The following PTPRD variants were observed in gnomAD, a reference collection of about 807,000 sequenced individuals.
The protein encoded by PTPRD is receptor-type tyrosine-protein phosphatase delta.
A neutral mutation model predicts 214.5 loss-of-function variants in PTPRD; 34 were observed. That is an observed-to-expected ratio of 0.16 (90% CI 0.12 to 0.21). The LOEUF (loss-of-function observed/expected upper bound fraction) is 0.21, where lower values mean the gene tolerates loss of function less well. Ranked by LOEUF, PTPRD falls within the 10% of genes least tolerant of loss-of-function variation. The pLI, the probability that PTPRD is intolerant of heterozygous loss-of-function variation, is 1.00. For missense variants in PTPRD, 2,545 were observed against 2,398.7 expected (o/e 1.06, Z -1.27); for synonymous variants, 1,128 against 845.7 (o/e 1.33, Z -5.79).
intron 2 of PTPRD, among the ~76,000 whole-genome samples, chr9:10,605,320 T>C (rs992388386): frequency 7.9e-5 from 12 of 151,918 alleles, no homozygotes; most frequent in African/African-American, 2.4e-4. Context: ...TTGTATTCTA[T>C]GAATTTGGAA....
chr9:8,353,882 G>A lies in PTPRD; in HGVS notation c.4662-11904C>T, dbSNP rs1404798751. Among the ~76,000 whole-genome samples, 31 of 140,370 alleles carry A rather than the reference G, an allele frequency of 2.2e-4. 1 individual carries two copies. Among genetic ancestry groups the A allele is most frequent in the African/African-American group, 7.5e-4 (28 of 37,284 alleles). 92.1% of individuals were successfully genotyped at this position (140,370 alleles called of 152,430 possible). On this transcript the variant is annotated intron_variant, in intron 39 of 45. Coordinates refer to ENST00000381196, the MANE Select transcript of PTPRD (RefSeq NM_002839.4). ...TGTATATATGTATATATGTATATAT[G>A]TGTATATATGTATATATGTATATAT... is the stretch of plus-strand genomic sequence containing the variant.
intron 8 of PTPRD, among the ~76,000 whole-genome samples, chr9:9,443,186 A>G (rs1271224480): frequency 6.6e-6 from 1 of 152,166 alleles, no homozygotes; most frequent in African/African-American, 2.4e-5. Context: ...TTCAACTGTT[A>G]CTAAAACATA....
intron 3 of PTPRD, among the ~76,000 whole-genome samples, chr9:10,222,349 TA>T (rs1363080126): frequency 2.6e-5 from 4 of 151,950 alleles, no homozygotes; most frequent in African/African-American, 9.7e-5. Context: ...AAAGAGAAAA[TA>T]AATAGAAATT....
At chr9:8,335,295 C>T (rs996639103) in intron 43 of PTPRD, among the ~76,000 whole-genome samples, 9 of 151,782 alleles carry the variant, frequency 5.9e-5, no homozygotes, top group African/African-American at 1.5e-4. Flanking sequence ...TTATCCACCA[C>T]GATCAAGTCG....
At chr9:9,719,862 C>G (rs765725652) in intron 7 of PTPRD, among the ~76,000 whole-genome samples, 1 of 152,182 alleles carries the variant, frequency 6.6e-6, no homozygotes, top group South Asian at 2.1e-4. Flanking sequence ...TACACCTGGT[C>G]CAGTCTCAGT....
At chr9:9,934,805 A>G (rs553964872) in intron 5 of PTPRD, among the ~76,000 whole-genome samples, 1 of 152,136 alleles carries the variant, frequency 6.6e-6, no homozygotes, top group East Asian at 1.9e-4. Context: ...ATCCTTGATG[A>G]ATATTGATGC....
intron 10 of PTPRD, among the ~76,000 whole-genome samples, chr9:9,028,221 A>G (rs935497926): frequency 1.3e-5 from 2 of 151,966 alleles, no homozygotes; most frequent in African/African-American, 4.8e-5. Flanking sequence ...GAATTCTTCC[A>G]TACTGATAAG....
intron 3 of PTPRD, among the ~76,000 whole-genome samples, chr9:10,257,522 G>A (rs2093372520): frequency 6.6e-6 from 1 of 152,182 alleles, no homozygotes; most frequent in African/African-American, 2.4e-5. Flanking sequence ...AGAAATAAAA[G>A]AGTAATGATA....
intron 8 of PTPRD, among the ~76,000 whole-genome samples, chr9:9,532,491 C>T (rs1430023341): frequency 1.3e-5 from 2 of 152,116 alleles, no homozygotes; most frequent in Non-Finnish European, 2.9e-5. Context: ...TTGGTTAGGT[C>T]CCCACCCAGC....
chr9:9,970,787 T>C (rs1201248007), intron 4 of PTPRD, among the ~76,000 whole-genome samples: 1 of 152,166 alleles, frequency 6.6e-6, no homozygotes, highest in Non-Finnish European at 1.5e-5. Flanking sequence ...GTATCACTGT[T>C]TCTACATTGC....
chr9:9,662,919 T>G (rs2096647475), intron 7 of PTPRD, among the ~76,000 whole-genome samples: 1 of 151,700 alleles, frequency 6.6e-6, no homozygotes, highest in East Asian at 1.9e-4. Flanking sequence ...ACTGCAGTTC[T>G]TAACAATTTA....
chr9:10,197,747 T>C (rs895444818), intron 3 of PTPRD, among the ~76,000 whole-genome samples: 13 of 152,056 alleles, frequency 8.5e-5, no homozygotes, highest in African/African-American at 1.7e-4. Flanking sequence ...ATGCAGTTTA[T>C]AGAGAAGAAT....
At chr9:9,101,118 T>C (rs560272446) in intron 10 of PTPRD, among the ~76,000 whole-genome samples, 1 of 140,710 alleles carries the variant, frequency 7.1e-6, no homozygotes, top group African/African-American at 2.6e-5. Context: ...AGAGAGAGAG[T>C]AGAGAGCAGG....
At chr9:9,759,447 G>C (rs999074606) in intron 6 of PTPRD, among the ~76,000 whole-genome samples, 1 of 151,524 alleles carries the variant, frequency 6.6e-6, no homozygotes, top group Non-Finnish European at 1.5e-5. Context: ...GTGGAGTTCT[G>C]TTTGGTTAGC....
intron 3 of PTPRD, among the ~76,000 whole-genome samples, chr9:10,053,563 A>G (rs2097571062): frequency 6.6e-6 from 1 of 152,206 alleles, no homozygotes; most frequent in African/African-American, 2.4e-5. Flanking sequence ...AATGAATCCC[A>G]TCAAGAAACA....
At chr9:8,989,949 G>A (rs1446961131) in intron 11 of PTPRD, among the ~76,000 whole-genome samples, 1 of 152,078 alleles carries the variant, frequency 6.6e-6, no homozygotes, top group African/African-American at 2.4e-5. Flanking sequence ...TACTCAGACA[G>A]TTCTCTTTAT....
At chr9:9,562,535 C>G (rs1476812430) in intron 8 of PTPRD, among the ~76,000 whole-genome samples, 1 of 152,142 alleles carries the variant, frequency 6.6e-6, no homozygotes, top group East Asian at 1.9e-4. Context: ...TTCAACCCCA[C>G]CTCTGTTACT....
intron 2 of PTPRD, among the ~76,000 whole-genome samples, chr9:10,377,411 G>C (rs1448260777): frequency 2.0e-5 from 3 of 151,754 alleles, no homozygotes; most frequent in African/African-American, 4.8e-5. Flanking sequence ...ATTTATATTA[G>C]GTATATCTCC....
At chr9:9,161,307 C>T (rs941810589) in intron 10 of PTPRD, among the ~76,000 whole-genome samples, 1 of 151,928 alleles carries the variant, frequency 6.6e-6, no homozygotes, top group Non-Finnish European at 1.5e-5. Flanking sequence ...GTAGTGTAGA[C>T]AATTATGATT....
Sources: allele counts gnomAD v4.1 joint callset (sites outside exome capture counted in the v4.1 genomes callset), GRCh38; gene constraint gnomAD v4.1.1; transcripts MANE v1.5; gene names NCBI Gene and HGNC (gene_info 2026-07-23, HGNC 2026-07-21).